SEL1L3: variants seen among roughly 807,000 people sequenced by gnomAD.
SEL1L3 encodes protein sel-1 homolog 3.
SEL1L3 carries 76 observed loss-of-function variants against 142.8 expected under a neutral mutation model. The ratio of observed to expected loss-of-function variants is 0.53; its 90% confidence interval spans 0.44 to 0.64. The LOEUF (loss-of-function observed/expected upper bound fraction) is 0.64, where lower values mean the gene tolerates loss of function less well. Ranked by LOEUF, SEL1L3 falls within the 30% of genes least tolerant of loss-of-function variation. SEL1L3 has a pLI of 0.00. For missense variants in SEL1L3, 1,262 were observed against 1,381.7 expected, an observed-to-expected ratio of 0.91 and a Z score of 1.37; for synonymous variants, 504 against 519.6, an observed-to-expected ratio of 0.97 and a Z score of 0.41.
intron 13 of SEL1L3, among the ~76,000 whole-genome samples, chr4:25,786,616 A>G (rs1263244846): frequency 1.3e-5 from 2 of 152,124 alleles, no homozygotes; most frequent in African/African-American, 2.4e-5. Flanking sequence ...TTATTGATCT[A>G]GGTCCTCTGC....
intron 10 of SEL1L3, 71 bp from the exon 11 acceptor site, chr4:25,802,533 T>G (rs1398038190): frequency 7.7e-7 from 1 of 1,306,462 alleles, no homozygotes; most frequent in African/African-American, 1.5e-5. Context: ...CACTGAAAGG[T>G]TGTCAGGCCC....
chr4:25,849,647 A>G (rs1021940498), intron 1 of SEL1L3, among the ~76,000 whole-genome samples: 2 of 152,214 alleles, frequency 1.3e-5, no homozygotes, highest in African/African-American at 4.8e-5. Flanking sequence ...ACACCACTGA[A>G]CTGTACACTT....
At chr4:25,751,608 G>C (rs1717593568) in intron 23 of SEL1L3, among the ~76,000 whole-genome samples, 1 of 151,366 alleles carries the variant, frequency 6.6e-6, no homozygotes, top group Admixed American at 6.6e-5. Context: ...TCAAACACAA[G>C]TTCCCTTGAA....
Position 25,828,389 on chromosome 4 carries a change from C to T in SEL1L3, c.1157+1709G>A, listed in dbSNP as rs1189285056. On this transcript the variant is annotated intron_variant, in intron 6 of 23. Coordinates refer to ENST00000399878, the MANE Select transcript of SEL1L3 (RefSeq NM_015187.5). ...TTCTGCATTTCTTTTCTTATCTTTTCGTTTTTTTTTTTTTGTTAAGATAGA... is the reference window on the plus strand; with the variant it reads ...TTCTGCATTTCTTTTCTTATCTTTTTGTTTTTTTTTTTTTGTTAAGATAGA... Among the ~76,000 whole-genome samples the T allele has an allele frequency of 8.1e-5, 12 of 147,510 alleles. No individual in the cohort carries two copies. The East Asian group carries it at 9.8e-4, about 12-fold the overall frequency.
At chr4:25,723,884 T>C in the SEL1L3 span, among the ~76,000 whole-genome samples, 1 of 152,280 alleles carries the variant, frequency 6.6e-6, no homozygotes, top group South Asian at 2.1e-4. Flanking sequence ...GCTTGACTTA[T>C]TTATTCACAT....
chr4:25,780,400 C>T (rs568372044), intron 15 of SEL1L3, among the ~76,000 whole-genome samples: 2 of 152,080 alleles, frequency 1.3e-5, no homozygotes, highest in South Asian at 4.1e-4. Flanking sequence ...CAGTGGTTTC[C>T]CATTTCATTC....
chr4:25,823,281 C>G (rs534132806), intron 6 of SEL1L3, among the ~76,000 whole-genome samples: 12 of 152,108 alleles, frequency 7.9e-5, no homozygotes, highest in Non-Finnish European at 1.8e-4. Flanking sequence ...TTTGGGAGGC[C>G]AAGGTGGGCA....
intron 6 of SEL1L3, among the ~76,000 whole-genome samples, chr4:25,827,198 C>A (rs1270514610): frequency 6.6e-6 from 1 of 152,058 alleles, no homozygotes; most frequent in Non-Finnish European, 1.5e-5. Context: ...AAATTGTGTA[C>A]CCCTCCTCCC....
intron 10 of SEL1L3, among the ~76,000 whole-genome samples, 159 bp from the exon 11 acceptor site, chr4:25,802,621 G>A (rs111468510): frequency 0.048 from 7,355 of 151,932 alleles, 613 homozygotes; most frequent in African/African-American, 0.17. Context: ...TTGGCCTGTC[G>A]CCCAGGCTGG....
chr4:25,740,125 T>C, the SEL1L3 span, among the ~76,000 whole-genome samples: 2 of 151,994 alleles, frequency 1.3e-5, no homozygotes, highest in South Asian at 4.2e-4. Flanking sequence ...AACATATCTG[T>C]TGCTGTGCAT....
the SEL1L3 span, among the ~76,000 whole-genome samples, chr4:25,723,638 G>T: frequency 6.6e-6 from 1 of 152,150 alleles, no homozygotes; most frequent in African/African-American, 2.4e-5. Flanking sequence ...AATGGTTCCT[G>T]TACTCATGAG....
At chr4:25,769,073 A>G (rs1718970577) in intron 17 of SEL1L3, among the ~76,000 whole-genome samples, 1 of 152,212 alleles carries the variant, frequency 6.6e-6, no homozygotes, top group Non-Finnish European at 1.5e-5. Flanking sequence ...TATTTTATCC[A>G]GAAGTAGTTT....
chr4:25,829,025 T>G (rs1715270231), intron 6 of SEL1L3, among the ~76,000 whole-genome samples: 1 of 152,330 alleles, frequency 6.6e-6, no homozygotes, highest in East Asian at 1.9e-4. Context: ...CAGGCTGGAG[T>G]GCAGTGGCGC....
At chr4:25,775,055 G>T (rs1719515410) in intron 17 of SEL1L3, among the ~76,000 whole-genome samples, 1 of 152,168 alleles carries the variant, frequency 6.6e-6, no homozygotes, top group Non-Finnish European at 1.5e-5. Context: ...AGCAGAGGGT[G>T]GGAGGTTGGG....
At chr4:25,836,303 T>G (rs1482866410) in intron 2 of SEL1L3, among the ~76,000 whole-genome samples, 1 of 152,154 alleles carries the variant, frequency 6.6e-6, no homozygotes, top group Non-Finnish European at 1.5e-5. Flanking sequence ...TTTTCCCTAT[T>G]CTCCCCAACT....
At chr4:25,776,142 T>C in intron 17 of SEL1L3, 135 bp downstream of exon 17, 1 of 604,834 alleles carries the variant, frequency 1.7e-6, no homozygotes, top group East Asian at 2.8e-5. Context: ...CAGTCCATGA[T>C]ACTCTGAATA....
At chr4:25,742,715 T>G (rs1717155508), downstream of SEL1L3, among the ~76,000 whole-genome samples, 1 of 152,260 alleles carries the variant, frequency 6.6e-6, no homozygotes, top group African/African-American at 2.4e-5. Context: ...CATTTAATAT[T>G]ACTTAGTATT....
chr4:25,814,795 AG>A (rs1329849323), intron 9 of SEL1L3, among the ~76,000 whole-genome samples: 1 of 133,448 alleles, frequency 7.5e-6, no homozygotes, highest in Non-Finnish European at 1.5e-5. Flanking sequence ...TACAAAATCA[AG>A]GTTTTTTTTT....
Position 25,779,186 on chromosome 4 carries a change from A to G in SEL1L3, c.2475T>C (p.Tyr825=). 1 of 1,613,402 alleles carries G rather than the reference A, an allele frequency of 6.2e-7. No homozygotes were observed. The highest frequency in any genetic ancestry group is 8.5e-7 in the Non-Finnish European group (1 of 1,179,482). Residue 825 remains tyrosine, a synonymous_variant, in exon 16 of 24, where the codon TAT becomes TAC. Transcript: ENST00000399878. ...GTCCACCTTGCGCAGCCTTATGGAA[A>G]TATTCACCAGCTAAAGTCTGTAACA... ...PGRNQTLAGE[Y]FHKAAQGGHM... is the part of the protein sequence containing the mutation.
Sources: allele counts gnomAD v4.1 joint callset (sites outside exome capture counted in the v4.1 genomes callset), GRCh38; gene constraint gnomAD v4.1.1; transcripts MANE v1.5; gene names NCBI Gene and HGNC (gene_info 2026-07-23, HGNC 2026-07-21).